Variants in MACROD2 observed in about 807,000 individuals in gnomAD.
MACROD2 encodes the protein mono-ADP ribosylhydrolase 2, also known as ADP-ribose glycohydrolase MACROD2.
In MACROD2, 36 loss-of-function variants were observed where a neutral mutation model predicts 70.4. The observed-to-expected ratio is 0.51, with a 90% confidence interval of 0.39 to 0.68. The LOEUF is 0.68. Among genes scored for constraint, MACROD2 ranks in the 30% least tolerant of loss-of-function variants. MACROD2 has a pLI of 0.00. For missense variants in MACROD2, 496 were observed against 538.4 expected, an observed-to-expected ratio of 0.92 and a Z score of 0.78; for synonymous variants, 172 against 178.8, an observed-to-expected ratio of 0.96 and a Z score of 0.30.
chr20:15,999,064 T>C (rs896731686), intron 15 of MACROD2, among the ~76,000 whole-genome samples: 9 of 152,170 alleles, frequency 5.9e-5, no homozygotes, highest in African/African-American at 2.2e-4. Flanking sequence ...ATTTCTTTTT[T>C]AGTTCCTTAA....
At chr20:14,291,485 G>A (rs1412415599) in intron 3 of MACROD2, among the ~76,000 whole-genome samples, 1 of 151,848 alleles carries the variant, frequency 6.6e-6, no homozygotes, top group Non-Finnish European at 1.5e-5. Context: ...AATAGAGGAG[G>A]TTGTGCTCTT....
intron 3 of MACROD2, among the ~76,000 whole-genome samples, chr20:14,412,269 T>A (rs1415269258): frequency 3.9e-5 from 6 of 152,170 alleles, no homozygotes; most frequent in Non-Finnish European, 7.3e-5. Context: ...CCCTAGGCCC[T>A]TCTGGAGCCA....
At chr20:14,916,129 A>G (rs1173914882) in intron 5 of MACROD2, among the ~76,000 whole-genome samples, 1 of 152,138 alleles carries the variant, frequency 6.6e-6, no homozygotes, top group Non-Finnish European at 1.5e-5. Context: ...TATGGTGCCC[A>G]CTTTACTCTC....
At chr20:15,221,777 T>C (rs755749960) in intron 5 of MACROD2, among the ~76,000 whole-genome samples, 9 of 142,450 alleles carry the variant, frequency 6.3e-5, no homozygotes, top group Non-Finnish European at 1.2e-4. Context: ...TTGAAGTCAA[T>C]GAAGAATAAA....
intron 3 of MACROD2, among the ~76,000 whole-genome samples, chr20:14,474,617 G>T (rs1237722380): frequency 6.6e-6 from 1 of 151,780 alleles, no homozygotes; most frequent in Non-Finnish European, 1.5e-5. Context: ...TTTTCTTTAG[G>T]TCTATTAACA....
intron 4 of MACROD2, among the ~76,000 whole-genome samples, chr20:14,604,225 A>T (rs1982661806): frequency 6.6e-6 from 1 of 152,342 alleles, no homozygotes; most frequent in Non-Finnish European, 1.5e-5. Flanking sequence ...GAAGTTTGCT[A>T]AATCCAAAGG....
chr20:15,898,379 C>T (rs750324235), intron 10 of MACROD2, among the ~76,000 whole-genome samples: 4 of 151,806 alleles, frequency 2.6e-5, no homozygotes, highest in Non-Finnish European at 5.9e-5. Context: ...GTGAAACCCC[C>T]GTCTCTACTA....
chr20:15,370,778 AT>A (rs1442651683), intron 6 of MACROD2, among the ~76,000 whole-genome samples: 6 of 152,014 alleles, frequency 3.9e-5, no homozygotes, highest in Non-Finnish European at 8.8e-5. Flanking sequence ...GACCACCTAG[AT>A]TTTTTTAACT....
At chr20:14,729,410 A>G (rs1485660846) in intron 5 of MACROD2, among the ~76,000 whole-genome samples, 2 of 152,212 alleles carry the variant, frequency 1.3e-5, no homozygotes, top group African/African-American at 2.4e-5. Flanking sequence ...TGTTTAAGAT[A>G]TATGATTAGC....
chr20:15,406,906 C>A (rs2146317735), intron 6 of MACROD2, among the ~76,000 whole-genome samples: 1 of 152,272 alleles, frequency 6.6e-6, no homozygotes, highest in South Asian at 2.1e-4. Context: ...CAGAATTCTT[C>A]CCTTGTACCA....
At chr20:14,559,995 C>T (rs1335578647) in intron 4 of MACROD2, among the ~76,000 whole-genome samples, 1 of 151,628 alleles carries the variant, frequency 6.6e-6, no homozygotes, top group African/African-American at 2.4e-5. Flanking sequence ...GTTTTGACCT[C>T]CTGAATGTGA....
At chr20:16,029,322 C>A (rs1157189568) in intron 15 of MACROD2, among the ~76,000 whole-genome samples, 2 of 152,172 alleles carry the variant, frequency 1.3e-5, no homozygotes, top group Non-Finnish European at 2.9e-5. Flanking sequence ...GAAAAATATT[C>A]TTGAAACCAG....
At chr20:15,354,928 T>G (rs2423947) in intron 6 of MACROD2, among the ~76,000 whole-genome samples, 67,060 of 151,996 alleles carry the variant, frequency 0.44, 15,264 homozygotes, top group East Asian at 0.61. Flanking sequence ...TGTGCACTAG[T>G]TTTGTACTTT....
intron 7 of MACROD2, among the ~76,000 whole-genome samples, chr20:15,449,935 G>T (rs2046618326): frequency 6.6e-6 from 1 of 152,176 alleles, no homozygotes; most frequent in South Asian, 2.1e-4. Context: ...AGAGGTTTCA[G>T]TGAGAGCAAA....
intron 3 of MACROD2, among the ~76,000 whole-genome samples, chr20:14,124,549 A>G (rs575667014): frequency 4.7e-4 from 72 of 152,286 alleles, no homozygotes; most frequent in South Asian, 2.5e-3. Flanking sequence ...TGGAACTGAA[A>G]TGTCAGATGC....
chr20:14,928,433 T>G (rs1014309098), intron 5 of MACROD2, among the ~76,000 whole-genome samples: 1 of 152,174 alleles, frequency 6.6e-6, no homozygotes, highest in Non-Finnish European at 1.5e-5. Flanking sequence ...AATAAAAGCT[T>G]TAAAAGGTTG....
intron 5 of MACROD2, among the ~76,000 whole-genome samples, chr20:15,057,980 C>T (rs1422726714): frequency 6.6e-6 from 1 of 152,170 alleles, no homozygotes; most frequent in Admixed American, 6.5e-5. Flanking sequence ...TGTCGCTTGG[C>T]AGACAATCAT....
chr20:15,501,750 A>T (rs183745321), intron 8 of MACROD2, among the ~76,000 whole-genome samples: 1 of 152,228 alleles, frequency 6.6e-6, no homozygotes, highest in Non-Finnish European at 1.5e-5. Flanking sequence ...AAGCAAGTCA[A>T]TTTGAACATA....
At chr20:14,857,842 CAA>C (rs1475581453) in intron 5 of MACROD2, among the ~76,000 whole-genome samples, 2 of 91,564 alleles carry the variant, frequency 2.2e-5, no homozygotes, top group Non-Finnish European at 5.6e-5. Context: ...TTGTTTGAGA[CAA>C]AGTCTCACTC....
Sources: allele counts gnomAD v4.1 joint callset (sites outside exome capture counted in the v4.1 genomes callset), GRCh38; gene constraint gnomAD v4.1.1; transcripts MANE v1.5; gene names NCBI Gene and HGNC (gene_info 2026-07-23, HGNC 2026-07-21).